GPC5: variants seen among roughly 807,000 people sequenced by gnomAD.
GPC5 encodes glypican 5, also known as glypican-5.
In GPC5, 47 loss-of-function variants were observed where a neutral mutation model predicts 53.9. That is an observed-to-expected ratio of 0.87 (90% CI 0.69 to 1.11). The LOEUF (loss-of-function observed/expected upper bound fraction) is 1.11. GPC5 is among the 50% of genes most tolerant of loss of function. The probability of loss-of-function intolerance (pLI) is 0.00; values close to 1 mark genes in which losing one functional copy is unlikely to be tolerated. For missense variants in GPC5, 748 were observed against 713.1 expected (o/e 1.05, Z -0.56); for synonymous variants, 286 against 263.3 (o/e 1.09, Z -0.84).
intron 7 of GPC5, among the ~76,000 whole-genome samples, chr13:92,520,391 G>A (rs1880992749): frequency 6.6e-6 from 1 of 152,056 alleles, no homozygotes; most frequent in Non-Finnish European, 1.5e-5. Context: ...TAAGATACTG[G>A]CAAACTGAAT....
intron 2 of GPC5, among the ~76,000 whole-genome samples, chr13:91,519,209 C>T (rs1037895214): frequency 4.6e-5 from 7 of 152,114 alleles, no homozygotes; most frequent in Non-Finnish European, 1.0e-4. Context: ...ATCACTGTAC[C>T]TTATGCCTCT....
chr13:92,440,652 C>T (rs115260450), intron 7 of GPC5, among the ~76,000 whole-genome samples: 548 of 152,218 alleles, frequency 3.6e-3, no homozygotes, highest in African/African-American at 0.012. Context: ...TAGTTCAGCT[C>T]TTGGTTATTT....
intron 5 of GPC5, among the ~76,000 whole-genome samples, chr13:91,848,145 C>T (rs1307529785): frequency 1.3e-5 from 2 of 152,180 alleles, no homozygotes; most frequent in Admixed American, 6.5e-5. Flanking sequence ...GAACTAATTT[C>T]GGACCATGCA....
intron 2 of GPC5, among the ~76,000 whole-genome samples, chr13:91,575,555 C>A (rs1466708518): frequency 6.6e-6 from 1 of 152,062 alleles, no homozygotes; most frequent in East Asian, 1.9e-4. Flanking sequence ...CTAGGGAGAA[C>A]ACGCTATTTT....
intron 2 of GPC5, among the ~76,000 whole-genome samples, chr13:91,467,526 C>G (rs754662764): frequency 6.6e-6 from 1 of 152,144 alleles, no homozygotes; most frequent in Admixed American, 6.5e-5. Flanking sequence ...TCTCAGTTCT[C>G]TGCCCCTTTC....
intron 6 of GPC5, among the ~76,000 whole-genome samples, chr13:91,962,564 T>G (rs1416082821): frequency 6.6e-6 from 1 of 152,098 alleles, no homozygotes; most frequent in African/African-American, 2.4e-5. Context: ...AGTCTTAGTA[T>G]TAGTTTAATG....
intron 4 of GPC5, among the ~76,000 whole-genome samples, chr13:91,731,245 A>C (rs895354610): frequency 1.3e-5 from 2 of 152,174 alleles, no homozygotes; most frequent in African/African-American, 4.8e-5. Context: ...GAACATCTGT[A>C]ATTGGAGTCA....
chr13:92,669,804 G>A (rs9523760), intron 7 of GPC5, among the ~76,000 whole-genome samples: 54,044 of 151,798 alleles, frequency 0.36, 9,961 homozygotes, highest in Admixed American at 0.48. Context: ...TGCACACAAG[G>A]CACCTACTCA....
At chr13:91,975,409 C>G (rs2040289719) in intron 6 of GPC5, among the ~76,000 whole-genome samples, 1 of 151,898 alleles carries the variant, frequency 6.6e-6, no homozygotes, top group Non-Finnish European at 1.5e-5. Context: ...ACAATGAACT[C>G]AAACAAATTT....
At chr13:91,818,445 A>G (rs1300900094) in intron 5 of GPC5, among the ~76,000 whole-genome samples, 1 of 152,240 alleles carries the variant, frequency 6.6e-6, no homozygotes, top group Non-Finnish European at 1.5e-5. Flanking sequence ...TATTACATAA[A>G]TGTGATCATA....
chr13:92,126,015 C>T (rs2041694204), intron 6 of GPC5, among the ~76,000 whole-genome samples: 1 of 129,720 alleles, frequency 7.7e-6, no homozygotes, highest in Non-Finnish European at 1.6e-5. Context: ...AGTGCAGTGG[C>T]ACAATCTTAG....
At chr13:92,751,626 G>A (rs547405432) in intron 7 of GPC5, among the ~76,000 whole-genome samples, 66 of 151,454 alleles carry the variant, frequency 4.4e-4, no homozygotes, top group Admixed American at 1.2e-3. Context: ...AGGGATAGCA[G>A]TAGAAGATAT....
At chr13:91,604,738 G>A (rs2033303433) in intron 2 of GPC5, among the ~76,000 whole-genome samples, 1 of 91,020 alleles carries the variant, frequency 1.1e-5, no homozygotes, top group Non-Finnish European at 2.1e-5. Flanking sequence ...TTTTTTGGCT[G>A]CATAAATGTC....
chr13:91,793,002 G>A (rs2037991574), intron 5 of GPC5, among the ~76,000 whole-genome samples: 1 of 152,114 alleles, frequency 6.6e-6, no homozygotes, highest in Non-Finnish European at 1.5e-5. Flanking sequence ...AACCCTTCAA[G>A]TCGTTCCATT....
chr13:92,368,712 A>G (rs537172357), intron 7 of GPC5, among the ~76,000 whole-genome samples: 1 of 151,796 alleles, frequency 6.6e-6, no homozygotes, highest in Admixed American at 6.6e-5. Flanking sequence ...TTTGATCTCA[A>G]TTATGAAATT....
intron 7 of GPC5, among the ~76,000 whole-genome samples, chr13:92,832,765 T>A (rs951326731): frequency 1.3e-5 from 2 of 152,174 alleles, no homozygotes; most frequent in Non-Finnish European, 2.9e-5. Context: ...CCCCGCACTT[T>A]GGGAGACCAA....
intron 7 of GPC5, among the ~76,000 whole-genome samples, chr13:92,759,795 A>G (rs9561142): frequency 0.032 from 4,879 of 152,148 alleles, 334 homozygotes; most frequent in East Asian, 0.28. Flanking sequence ...ATTGTACCAG[A>G]TCTTAGAAGA....
intron 7 of GPC5, among the ~76,000 whole-genome samples, chr13:92,385,791 A>ACACGTG (rs1874683340): frequency 8.9e-6 from 1 of 111,750 alleles, no homozygotes; most frequent in African/African-American, 3.4e-5. Context: ...ATGTATATAT[A>ACACGTG]TACATATATA....
At chr13:92,052,318 G>A (rs1181643523) in intron 6 of GPC5, among the ~76,000 whole-genome samples, 1 of 152,180 alleles carries the variant, frequency 6.6e-6, no homozygotes, top group African/African-American at 2.4e-5. Context: ...ATGAAGCCAT[G>A]GACCTTCGCA....
Sources: gnomAD v4.1 joint callset for allele counts (sites outside exome capture counted in the v4.1 genomes callset) on GRCh38, gnomAD v4.1.1 for gene constraint, MANE v1.5 for transcripts, NCBI Gene and HGNC (gene_info 2026-07-23, HGNC 2026-07-21) for gene names.